CNKSR3: variants seen among roughly 807,000 people sequenced by gnomAD.
The protein encoded by CNKSR3 is connector enhancer of kinase suppressor of ras 3.
CNKSR3 carries 36 observed loss-of-function variants against 67.7 expected under a neutral mutation model. That is an observed-to-expected ratio of 0.53 (90% CI 0.41 to 0.70). The LOEUF is 0.70. Ranked by LOEUF, CNKSR3 falls within the 30% of genes least tolerant of loss-of-function variation. CNKSR3 has a pLI of 0.00. For synonymous variants in CNKSR3, 281 were observed against 271.4 expected, an observed-to-expected ratio of 1.04 and a Z score of -0.35; for missense variants, 630 against 695.2, an observed-to-expected ratio of 0.91 and a Z score of 1.05.
At chr6:154,438,389 C>T (rs1479777245) in intron 4 of CNKSR3, among the ~76,000 whole-genome samples, 1 of 151,678 alleles carries the variant, frequency 6.6e-6, no homozygotes, top group East Asian at 1.9e-4. Context: ...CACACACAAA[C>T]ACACACACAC....
intron 1 of CNKSR3, among the ~76,000 whole-genome samples, chr6:154,467,223 T>A (rs919702302): frequency 6.6e-6 from 1 of 152,086 alleles, no homozygotes; most frequent in Non-Finnish European, 1.5e-5. Flanking sequence ...ATCACCTCCA[T>A]CCCTCATGGC....
intron 1 of CNKSR3, among the ~76,000 whole-genome samples, chr6:154,450,758 T>C (rs932081696): frequency 3.9e-5 from 6 of 152,156 alleles, no homozygotes; most frequent in Non-Finnish European, 8.8e-5. Flanking sequence ...CCAATCAGAA[T>C]CTTCCTTGAT....
chr6:154,392,054 A>T lies in CNKSR3; in HGVS notation c.*14300T>A, dbSNP rs188975629. Reference sequence around the variant, plus strand: ...GTGAAACCCCGTCACTATTAAAAATACAAAAATTAGCTTGGTGTGGTGGTG... The same window carrying T: ...GTGAAACCCCGTCACTATTAAAAATTCAAAAATTAGCTTGGTGTGGTGGTG... On this transcript the variant is annotated 3_prime_UTR_variant, in exon 13 of 13. Transcript: ENST00000607772. 6.6e-6 allele frequency: 1 copy of T among 152,304 alleles called. No homozygotes were observed. The highest frequency in any genetic ancestry group is 2.4e-5 in the African/African-American group (1 of 41,554). The allele number at this position is 152,304 out of a possible 1,614,324, so 9.4% of individuals were successfully genotyped here.
intron 1 of CNKSR3, among the ~76,000 whole-genome samples, chr6:154,455,787 G>A (rs1232089647): frequency 1.3e-5 from 2 of 152,062 alleles, no homozygotes; most frequent in African/African-American, 4.8e-5. Flanking sequence ...ACAGATATTT[G>A]CTGCACATTT....
At chr6:154,465,139 T>TC (rs1221300364) in intron 1 of CNKSR3, among the ~76,000 whole-genome samples, 3 of 45,486 alleles carry the variant, frequency 6.6e-5, no homozygotes, top group African/African-American at 1.2e-4. Flanking sequence ...AGATTCTGTC[T>TC]CAAAAAAAAA....
intron 1 of CNKSR3, among the ~76,000 whole-genome samples, chr6:154,462,065 A>C (rs1786091752): frequency 6.6e-6 from 1 of 152,240 alleles, no homozygotes. Flanking sequence ...AAATGTTTTA[A>C]TAGCAGCTTT....
In CNKSR3 at chr6:154,433,499, A is replaced by G. The variant is rs1303156170; in HGVS notation, c.516T>C (p.Phe172=). ...DLTTTVQKDC[F]VAEMEDKVLT... ...AAACTTTATCCTCCATTTCCGCTAC[A>G]AAGCAATCCTAAAGAAGGGGATGGA... Residue 172 remains phenylalanine (F), a synonymous_variant, in exon 5 of 13, where the codon TTT becomes TTC. Coordinates refer to ENST00000607772, the MANE Select transcript of CNKSR3 (RefSeq NM_173515.4). 3 of 1,589,776 alleles carry G rather than the reference A, an allele frequency of 1.9e-6. No homozygotes were observed. The African/African-American group carries it at 4.0e-5, about 21-fold the overall frequency.
chr6:154,495,267 T>C (rs1016564049), intron 1 of CNKSR3, among the ~76,000 whole-genome samples: 3 of 152,074 alleles, frequency 2.0e-5, no homozygotes, highest in African/African-American at 7.2e-5. Flanking sequence ...AGATGTATCA[T>C]CTACAAACTA....
chr6:154,444,534 C>T (rs1582866046), intron 2 of CNKSR3, among the ~76,000 whole-genome samples: 3 of 151,888 alleles, frequency 2.0e-5, no homozygotes, highest in African/African-American at 7.3e-5. Flanking sequence ...TCCAGTGATC[C>T]TGGATCCAGC....
At chr6:154,418,376 A>G (rs1584060415) in intron 9 of CNKSR3, among the ~76,000 whole-genome samples, 1 of 152,140 alleles carries the variant, frequency 6.6e-6, no homozygotes, top group Admixed American at 6.5e-5. Flanking sequence ...GCTCTAGGAA[A>G]CCTTATCTAA....
intron 2 of CNKSR3, among the ~76,000 whole-genome samples, chr6:154,445,052 AAAC>A (rs762232913): frequency 9.2e-5 from 14 of 152,298 alleles, no homozygotes; most frequent in Admixed American, 2.0e-4. Flanking sequence ...GGTAAGTTAA[AAAC>A]AACAACAAAA....
intron 12 of CNKSR3, among the ~76,000 whole-genome samples, chr6:154,409,879 ACC>A (rs1562318189): frequency 1.3e-4 from 19 of 144,252 alleles, no homozygotes; most frequent in African/African-American, 5.0e-4. Context: ...CTCTGTCTCT[ACC>A]AAAAAAAAAA....
In CNKSR3 at chr6:154,489,029, GGGGTTTTGT is replaced by G. The variant is rs201111086; in HGVS notation, c.52+21025_52+21033del. Among the ~76,000 whole-genome samples, 106 of 152,220 alleles carry G rather than the reference GGGGTTTTGT, an allele frequency of 7.0e-4. 4 individuals are homozygous for G. In the East Asian group the frequency reaches 0.02, roughly 29 times the overall value. ...GCGAGCGGCCACACCCTTCAGAGGT[GGGGTTTTGT>G]GGGTTTTGAGTTTTTTTTCATTCTG... On this transcript the variant is annotated intron_variant, in intron 1 of 12. Transcript: ENST00000607772.
chr6:154,473,611 A>G (rs1156860687), intron 1 of CNKSR3, among the ~76,000 whole-genome samples: 1 of 152,162 alleles, frequency 6.6e-6, no homozygotes, highest in Non-Finnish European at 1.5e-5. Context: ...TCTACTCTAC[A>G]GGGTAACGAG....
chr6:154,424,230 C>CAAAA (rs56218677), intron 7 of CNKSR3, among the ~76,000 whole-genome samples: 8 of 72,980 alleles, frequency 1.1e-4, no homozygotes, highest in African/African-American at 2.0e-4. Context: ...GACTCCGTCT[C>CAAAA]AAAAAAAAAA....
At chr6:154,489,048 G>T (rs561129406) in intron 1 of CNKSR3, among the ~76,000 whole-genome samples, 2 of 152,012 alleles carry the variant, frequency 1.3e-5, no homozygotes, top group African/African-American at 2.4e-5. Context: ...TGGGTTTTGA[G>T]TTTTTTTTCA....
chr6:154,478,818 C>G (rs1365687627), intron 1 of CNKSR3, among the ~76,000 whole-genome samples: 1 of 152,192 alleles, frequency 6.6e-6, no homozygotes, highest in Non-Finnish European at 1.5e-5. Flanking sequence ...GCACATGAAG[C>G]AGCTACAACA....
chr6:154,493,991 A>G (rs1196045257), intron 1 of CNKSR3, among the ~76,000 whole-genome samples: 1 of 152,172 alleles, frequency 6.6e-6, no homozygotes, highest in Admixed American at 6.5e-5. Flanking sequence ...AACTCCACTG[A>G]AAGCTTCACT....
chr6:154,459,141 AGAAAGAAAGAAAG>A (rs1282808334), intron 1 of CNKSR3, among the ~76,000 whole-genome samples: 1 of 151,986 alleles, frequency 6.6e-6, no homozygotes, highest in African/African-American at 2.4e-5. Flanking sequence ...AGAGAAAGAA[AGAAAGAAAGAAAG>A]GAAAGAAAGA....
Sources: gnomAD v4.1 joint callset for allele counts (sites outside exome capture counted in the v4.1 genomes callset) on GRCh38, gnomAD v4.1.1 for gene constraint, MANE v1.5 for transcripts, NCBI Gene and HGNC (gene_info 2026-07-23, HGNC 2026-07-21) for gene names.